UBAP2L: variants seen among roughly 807,000 people sequenced by gnomAD.
The protein encoded by UBAP2L is ubiquitin associated protein 2 like.
UBAP2L carries 12 observed loss-of-function variants against 130.6 expected under a neutral mutation model. The ratio of observed to expected loss-of-function variants is 0.09; its 90% CI spans 0.06 to 0.15. The LOEUF is 0.15. Ranked by LOEUF, UBAP2L falls within the 10% of genes least tolerant of loss-of-function variation. The pLI is 1.00. For synonymous variants in UBAP2L, 503 were observed against 524.7 expected, an observed-to-expected ratio of 0.96 and a Z score of 0.57; for missense variants, 965 against 1,332.5, an observed-to-expected ratio of 0.72 and a Z score of 4.29.
intron 5 of UBAP2L, 136 bp from the exon 6 acceptor site, chr1:154,235,060 T>C (rs568094754): frequency 2.4e-5 from 16 of 659,084 alleles, no homozygotes; most frequent in African/African-American, 2.2e-4. Flanking sequence ...CATTTTCTCT[T>C]CGTTGTTTTT....
chr1:154,260,974 G>A lies in UBAP2L; in HGVS notation c.2661G>A (p.Thr887=), dbSNP rs762078009. 30 of 1,614,030 alleles carry A rather than the reference G, an allele frequency of 1.9e-5. No individual in the cohort carries two copies. The highest frequency in any genetic ancestry group is 1.4e-5 in the Non-Finnish European group (17 of 1,180,046). The change falls in exon 23 of 27, where the codon ACG becomes ACA. Residue 887 remains threonine (T), a synonymous_variant. Transcript: ENST00000428931. ...TTLAQPQQNQ[T]QTHHTTQQTF... ...TGGCCCAACCCCAACAGAACCAGAC[G>A]CAGACTCACCATACCACGCAGCAGA...
At chr1:154,236,512 T>TCTAAA in intron 6 of UBAP2L, 54 bp from the exon 7 acceptor site, 17 of 1,599,076 alleles carry the variant, frequency 1.1e-5, no homozygotes, top group Non-Finnish European at 1.5e-5. Context: ...CAAGGAAGTT[T>TCTAAA]TATATCAACT....
chr1:154,260,075 G>T, intron 22 of UBAP2L, 46 bp downstream of exon 22: 5 of 1,581,638 alleles, frequency 3.2e-6, no homozygotes, highest in Non-Finnish European at 4.3e-6. Context: ...AGATAGTGTT[G>T]GGATTGATGG....
chr1:154,265,826 C>T (rs1683076024), intron 24 of UBAP2L, among the ~76,000 whole-genome samples: 1 of 152,032 alleles, frequency 6.6e-6, no homozygotes, highest in South Asian at 2.1e-4. Flanking sequence ...TAGGAGATGG[C>T]CTACTCCTGT....
At chr1:154,221,599 AG>A (rs1168881601) in intron 1 of UBAP2L, among the ~76,000 whole-genome samples, 3 of 151,640 alleles carry the variant, frequency 2.0e-5, no homozygotes, top group African/African-American at 7.3e-5. Flanking sequence ...TCCGGCTGGG[AG>A]GTAGGGAGGA....
At position 154,268,755 on chromosome 1, in the gene UBAP2L, A is replaced by G; in HGVS notation, c.2971-2A>G. 6.2e-7 allele frequency: 1 copy of G among 1,613,970 alleles called. No individual in the cohort carries two copies. The highest frequency in any genetic ancestry group is 2.2e-5 in the East Asian group (1 of 44,876). ...TCTGTCTCCTCCTGGCCTCCTGGATAGCAGTCCTTTGAGAAACAAGGTTTT... is the reference window on the plus strand; with the variant it reads ...TCTGTCTCCTCCTGGCCTCCTGGATGGCAGTCCTTTGAGAAACAAGGTTTT... On this transcript the variant is annotated splice_acceptor_variant, in intron 25 of 26. Transcript: ENST00000428931. LOFTEE classifies it high-confidence loss of function.
chr1:154,263,961 A>C (rs1383299342), intron 24 of UBAP2L, among the ~76,000 whole-genome samples: 2 of 152,104 alleles, frequency 1.3e-5, no homozygotes, highest in East Asian at 3.8e-4. Flanking sequence ...CTAGTTGATG[A>C]CTCAGGCTCT....
intron 11 of UBAP2L, among the ~76,000 whole-genome samples, chr1:154,246,749 A>T (rs1675651445): frequency 6.6e-6 from 1 of 152,160 alleles, no homozygotes; most frequent in Admixed American, 6.5e-5. Context: ...CCATTTCTTG[A>T]TGGATCAGAA....
At chr1:154,256,554 G>A (rs1188318016) in intron 18 of UBAP2L, among the ~76,000 whole-genome samples, 1 of 152,144 alleles carries the variant, frequency 6.6e-6, no homozygotes, top group African/African-American at 2.4e-5. Flanking sequence ...TGGAAGGACT[G>A]TTTGAGCCCA....
intron 20 of UBAP2L, 197 bp downstream of exon 20, chr1:154,257,631 G>A: frequency 1.7e-6 from 1 of 600,014 alleles, no homozygotes; most frequent in Non-Finnish European, 2.9e-6. Context: ...GTGTCTGGTT[G>A]GAAAAAATTC....
Position 154,255,163 on chromosome 1 carries a change from T to C in UBAP2L, c.1921T>C (p.Ser641Pro), listed in dbSNP as rs143080179. The change falls in exon 17 of 27, where the codon TCT becomes CCT. Residue 641 changes from serine to proline, a missense_variant. Transcript: ENST00000428931. ...TTCTAAATTTCTAGGTGCTACAGGC[T>C]CTGCAGTGAAATCTGATTCACCTTC... The part of the protein sequence containing the change: ...TTQSVEGATG[S>P]AVKSDSPSTS... The C allele has an allele frequency of 4.0e-4, 649 of 1,614,058 alleles. 3 individuals are homozygous for C. The East Asian group carries it at 9.6e-3, about 24-fold the overall frequency.
chr1:154,255,100 T>C (rs560080876), intron 16 of UBAP2L, 52 bp from the exon 17 acceptor site: 1 of 1,595,562 alleles, frequency 6.3e-7, no homozygotes, highest in East Asian at 2.2e-5. Context: ...CACCTCTCTA[T>C]AGACATTCCC....
At chr1:154,251,455 C>T in intron 13 of UBAP2L, 26 bp from the exon 14 acceptor site, 6 of 1,608,422 alleles carry the variant, frequency 3.7e-6, no homozygotes, top group Non-Finnish European at 5.1e-6. Flanking sequence ...AAAGCCATTA[C>T]TTTCTCTTCT....
At chr1:154,221,021 C>T in intron 1 of UBAP2L, 46 bp downstream of exon 1, 2 of 204,602 alleles carry the variant, frequency 9.8e-6, no homozygotes, top group South Asian at 5.5e-5. Flanking sequence ...GCGGCGGCAG[C>T]GGCAGCGCGG....
intron 2 of UBAP2L, among the ~76,000 whole-genome samples, chr1:154,226,578 A>C (rs1040860523): frequency 6.6e-6 from 1 of 152,222 alleles, no homozygotes; most frequent in Non-Finnish European, 1.5e-5. Context: ...GATATATAGA[A>C]GATGTGTTGA....
chr1:154,258,445 C>T (rs1174016516), intron 20 of UBAP2L, among the ~76,000 whole-genome samples: 1 of 152,154 alleles, frequency 6.6e-6, no homozygotes, highest in East Asian at 1.9e-4. Flanking sequence ...GTATTTGGTA[C>T]CTATTAAGAT....
chr1:154,227,264 TCTC>T lies in UBAP2L; in HGVS notation c.91-17_91-15del, dbSNP rs1420351385. 6.2e-7 allele frequency: 1 copy of T among 1,607,592 alleles called. No homozygotes were observed. Among genetic ancestry groups the T allele is most frequent in the African/African-American group, 1.3e-5 (1 of 74,780 alleles). ...TTGCCTCATGATTATGCTTTCTTGA[TCTC>T]ATCTCAATTCCTAGGCCACTGCAGA... On this transcript the variant is annotated splice_polypyrimidine_tract_variant and intron_variant, in intron 2 of 26. Transcript: ENST00000428931.
chr1:154,257,113 T>C lies in UBAP2L; in HGVS notation c.2208T>C (p.Phe736=). The C allele has an allele frequency of 2.5e-6, 4 of 1,614,162 alleles. No homozygotes were observed. The highest frequency in any genetic ancestry group is 3.4e-6 in the Non-Finnish European group (4 of 1,180,034). Residue 736 remains phenylalanine, a synonymous_variant, in exon 19 of 27, where the codon TTT becomes TTC. Transcript: ENST00000428931. ...EANLHSSSST[F]STTSSTVSAP... ...ATCTCCATTCTTCCTCCAGCACTTT[T>C]TCCACCACATCCAGCACAGTCTCTG...
chr1:154,228,782 G>C, intron 4 of UBAP2L, 57 bp downstream of exon 4: 1 of 1,344,128 alleles, frequency 7.4e-7, no homozygotes, highest in East Asian at 2.4e-5. Context: ...GGCTAGTAAT[G>C]TTCTAAAAGT....
Sources: allele counts gnomAD v4.1 joint callset (sites outside exome capture counted in the v4.1 genomes callset), GRCh38; gene constraint gnomAD v4.1.1; transcripts MANE v1.5; gene names NCBI Gene and HGNC (gene_info 2026-07-23, HGNC 2026-07-21).